The following LRRC4C variants were observed in gnomAD, a reference collection of about 807,000 sequenced individuals.
The protein encoded by LRRC4C is leucine-rich repeat-containing protein 4C.
Under a neutral mutation model 33.6 loss-of-function variants are expected in LRRC4C, and 5 were observed. The ratio of observed to expected loss-of-function variants is 0.15; its 90% CI spans 0.08 to 0.31. The LOEUF (loss-of-function observed/expected upper bound fraction) is 0.31, where lower values mean the gene tolerates loss of function less well. Among genes scored for constraint, LRRC4C ranks in the 10% least tolerant of loss-of-function variants. LRRC4C has a pLI of 1.00. For synonymous variants in LRRC4C, 329 were observed against 302.0 expected (o/e 1.09, Z -0.93); for missense variants, 560 against 796.7 (o/e 0.70, Z 3.58).
chr11:40,599,260 G>A (rs994503905), intron 3 of LRRC4C, among the ~76,000 whole-genome samples: 2 of 151,594 alleles, frequency 1.3e-5, no homozygotes, highest in Admixed American at 6.6e-5. Context: ...ACCAGCCCAG[G>A]CAACACAGTG....
chr11:41,444,284 G>A (rs180846464), intron 1 of LRRC4C, among the ~76,000 whole-genome samples: 1 of 152,212 alleles, frequency 6.6e-6, no homozygotes, highest in African/African-American at 2.4e-5. Flanking sequence ...AATTCATACA[G>A]ACTTCTTTTC....
Position 40,116,034 on chromosome 11 carries a change from G to T in LRRC4C, c.259C>A (p.Gln87Lys). The change falls in exon 7 of 7, where the codon CAA (glutamine) becomes AAA (lysine). Residue 87 changes from glutamine (Q) to lysine (K), a missense_variant. Gln to Lys is a moderately conservative substitution (Grantham distance 53). Around this residue, in one of 3 missense-constraint regions of LRRC4C, gnomAD observed 455 missense variants for 643.8 expected, o/e 0.71. Coordinates refer to ENST00000528697, the MANE Select transcript of LRRC4C (RefSeq NM_001258419.2). ...CTGTTCACTTTGATGATCTGGATTT[G>T]GTTCTCATGGAGGTTCAGCAGCCGT... is the stretch of plus-strand genomic sequence containing the variant. ...NTRLLNLHEN[Q>K]IQIIKVNSFK... 6.2e-7 allele frequency: 1 copy of T among 1,614,106 alleles called. No individual in the cohort carries two copies. Among genetic ancestry groups the T allele is most frequent in the Non-Finnish European group, 8.5e-7 (1 of 1,180,012 alleles).
chr11:40,541,482 G>A lies in LRRC4C; in HGVS notation c.-270+106660C>T, dbSNP rs535248064. On this transcript the variant is annotated intron_variant, in intron 3 of 6. Coordinates refer to ENST00000528697, the MANE Select transcript of LRRC4C (RefSeq NM_001258419.2). ...TATAATTTCAGATTGGGAAGGATGA[G>A]CAAGTCCAACTTGACAAATTCAGAT... Among the ~76,000 whole-genome samples, 24 of 152,262 alleles carry A rather than the reference G, an allele frequency of 1.6e-4. 1 individual carries two copies. Among genetic ancestry groups the A allele is most frequent in the African/African-American group, 5.1e-4 (21 of 41,552 alleles).
intron 3 of LRRC4C, among the ~76,000 whole-genome samples, chr11:40,530,950 C>T (rs749614857): frequency 2.6e-5 from 4 of 151,962 alleles, no homozygotes; most frequent in African/African-American, 7.2e-5. Context: ...TTCAGTAATT[C>T]GGTATTGTTA....
intron 1 of LRRC4C, among the ~76,000 whole-genome samples, chr11:41,457,211 A>G (rs546951061): frequency 6.6e-6 from 1 of 152,306 alleles, no homozygotes; most frequent in East Asian, 1.9e-4. Context: ...ATGAATGGGA[A>G]AACAGTCAAC....
At chr11:40,278,678 T>C (rs1333253828) in intron 4 of LRRC4C, among the ~76,000 whole-genome samples, 5 of 152,176 alleles carry the variant, frequency 3.3e-5, no homozygotes, top group African/African-American at 1.2e-4. Flanking sequence ...TCAATACCTA[T>C]ATACAATGTA....
At chr11:40,990,231 TTATA>T (rs761772952) in intron 1 of LRRC4C, among the ~76,000 whole-genome samples, 7,127 of 77,958 alleles carry the variant, frequency 0.091, 268 homozygotes, top group Admixed American at 0.12. Context: ...ATGTCAAGTT[TTATA>T]TATATATATA....
At chr11:40,847,882 T>A (rs1003021991) in intron 2 of LRRC4C, among the ~76,000 whole-genome samples, 4 of 150,656 alleles carry the variant, frequency 2.7e-5, no homozygotes, top group Non-Finnish European at 5.9e-5. Context: ...CCTGGTGTAG[T>A]CTTGGGAGGG....
chr11:41,058,292 T>C (rs1418380169), intron 1 of LRRC4C, among the ~76,000 whole-genome samples: 2 of 152,238 alleles, frequency 1.3e-5, no homozygotes, highest in East Asian at 3.9e-4. Context: ...AAGCTGCTTG[T>C]GGTGCAGCTG....
intron 1 of LRRC4C, among the ~76,000 whole-genome samples, chr11:41,415,624 C>T (rs1035397469): frequency 6.6e-6 from 1 of 151,976 alleles, no homozygotes; most frequent in Non-Finnish European, 1.5e-5. Flanking sequence ...GTAAAAGCCT[C>T]GAGTCTGTAC....
chr11:40,946,478 A>G (rs1321009827), intron 1 of LRRC4C, among the ~76,000 whole-genome samples: 1 of 152,164 alleles, frequency 6.6e-6, no homozygotes, highest in African/African-American at 2.4e-5. Context: ...GTCAAATGGT[A>G]GTTCTGTTTT....
chr11:40,643,369 A>T (rs988869987), intron 3 of LRRC4C, among the ~76,000 whole-genome samples: 15 of 152,080 alleles, frequency 9.9e-5, no homozygotes, highest in Admixed American at 9.8e-4. Context: ...TTCTACCTTC[A>T]CCCGGCTATG....
intron 1 of LRRC4C, among the ~76,000 whole-genome samples, chr11:41,128,218 G>C (rs898363370): frequency 6.6e-6 from 1 of 151,830 alleles, no homozygotes; most frequent in East Asian, 1.9e-4. Flanking sequence ...TATTATAGAT[G>C]AGTTGAATAA....
rs543369418 is a variant in LRRC4C at position 40,789,487 on chromosome 11, A to T, written c.-406-141209T>A. Among the ~76,000 whole-genome samples, 41 of 152,234 alleles carry T rather than the reference A, an allele frequency of 2.7e-4. 2 individuals are homozygous for T. In the South Asian group the frequency reaches 8.1e-3, roughly 30 times the overall value. ...ACTTAACTTTAATAACTTCTTAAACATATCTTTCTTCTCTCTCTCTCTCTG... is the reference window on the plus strand; with the variant it reads ...ACTTAACTTTAATAACTTCTTAAACTTATCTTTCTTCTCTCTCTCTCTCTG... On this transcript the variant is annotated intron_variant, in intron 2 of 6. Coordinates refer to ENST00000528697, the MANE Select transcript of LRRC4C (RefSeq NM_001258419.2).
chr11:40,282,041 T>C (rs956969076), intron 4 of LRRC4C, among the ~76,000 whole-genome samples: 1 of 152,114 alleles, frequency 6.6e-6, no homozygotes, highest in African/African-American at 2.4e-5. Context: ...TCTCAACAGT[T>C]TGTAGTTTGA....
Position 40,431,467 on chromosome 11 carries a change from G to A in LRRC4C, c.-269-111746C>T, listed in dbSNP as rs73478172. 3.0e-4 allele frequency among the ~76,000 whole-genome samples: 45 copies of A among 151,512 alleles called. 2 individuals carry two copies. Among genetic ancestry groups the A allele is most frequent in the African/African-American group, 1.1e-3 (45 of 41,316 alleles). On this transcript the variant is annotated intron_variant, in intron 3 of 6. Transcript: ENST00000528697. ...AGGTTTGTCCATTTTGCCTTGCTAG[G>A]CAACCAGCCTCTCATAATGCTTAGT...
At chr11:40,789,085 C>T (rs1372484654) in intron 2 of LRRC4C, among the ~76,000 whole-genome samples, 1 of 118,512 alleles carries the variant, frequency 8.4e-6, no homozygotes, top group African/African-American at 3.7e-5. Flanking sequence ...AGCAAGACTC[C>T]GTCTCGGGAA....
chr11:40,660,518 G>T (rs906117867), intron 2 of LRRC4C, among the ~76,000 whole-genome samples: 1 of 152,162 alleles, frequency 6.6e-6, no homozygotes, highest in Non-Finnish European at 1.5e-5. Context: ...ACCTTCTGAG[G>T]ATGGCTTTAG....
intron 2 of LRRC4C, among the ~76,000 whole-genome samples, chr11:40,904,700 A>G (rs1204437919): frequency 1.3e-5 from 2 of 152,080 alleles, no homozygotes; most frequent in East Asian, 1.9e-4. Context: ...GTTAGGCACC[A>G]TTCTCCTTTT....
Sources: allele counts gnomAD v4.1 joint callset (sites outside exome capture counted in the v4.1 genomes callset), GRCh38; gene constraint gnomAD v4.1.1; regional missense constraint gnomAD v4.1.1; transcripts MANE v1.5; gene names NCBI Gene and HGNC (gene_info 2026-07-23, HGNC 2026-07-21).